INSL6: variants seen among roughly 807,000 people sequenced by gnomAD.
The protein encoded by INSL6 is insulin-like peptide INSL6.
A neutral mutation model predicts 9.4 loss-of-function variants in INSL6; 16 were observed. That is an observed-to-expected ratio of 1.70 (90% CI 1.15 to 2.59). The LOEUF is 2.59. INSL6 is among the 30% of genes most tolerant of loss of function. The pLI, the probability that INSL6 is intolerant of heterozygous loss-of-function variation, is 0.00. For missense variants in INSL6, 391 were observed against 257.3 expected (o/e 1.52, Z -3.56); for synonymous variants, 154 against 96.9 (o/e 1.59, Z -3.46).
At chr9:5,106,387 A>T in the INSL6 span, among the ~76,000 whole-genome samples, 1 of 152,216 alleles carries the variant, frequency 6.6e-6, no homozygotes, top group African/African-American at 2.4e-5. Context: ...CATTAAAAAG[A>T]CAGGAAACAA....
chr9:5,058,849 A>G, the INSL6 span, among the ~76,000 whole-genome samples: 2 of 151,818 alleles, frequency 1.3e-5, no homozygotes, highest in African/African-American at 2.4e-5. Context: ...TTGAAGAAAT[A>G]TATATTCAAG....
chr9:5,035,991 C>G, the INSL6 span, among the ~76,000 whole-genome samples: 1 of 152,198 alleles, frequency 6.6e-6, no homozygotes, highest in Non-Finnish European at 1.5e-5. Context: ...CCCATCGTCT[C>G]AGCCCAAAAT....
chr9:5,171,611 GCTT>G (rs1363697674), intron 1 of INSL6, among the ~76,000 whole-genome samples: 2 of 152,150 alleles, frequency 1.3e-5, no homozygotes, highest in Non-Finnish European at 2.9e-5. Flanking sequence ...CTGCTCAAAA[GCTT>G]CTTAAGCTGA....
At chr9:4,994,637 A>G in the INSL6 span, among the ~76,000 whole-genome samples, 3 of 152,246 alleles carry the variant, frequency 2.0e-5, no homozygotes, top group African/African-American at 7.2e-5. Flanking sequence ...AGTTATAGAC[A>G]ATACGTAAAT....
At chr9:5,116,905 A>T in the INSL6 span, among the ~76,000 whole-genome samples, 1 of 152,372 alleles carries the variant, frequency 6.6e-6, no homozygotes, top group Admixed American at 6.5e-5. Flanking sequence ...AGGTACTGGG[A>T]AAACATAACA....
chr9:4,992,281 T>C, the INSL6 span, among the ~76,000 whole-genome samples: 11 of 152,250 alleles, frequency 7.2e-5, no homozygotes, highest in South Asian at 1.2e-3. Flanking sequence ...TCACCTTTCA[T>C]AGTGGTGAGT....
downstream of INSL6, among the ~76,000 whole-genome samples, chr9:5,159,077 G>A (rs532529921): frequency 5.9e-4 from 90 of 152,120 alleles, no homozygotes; most frequent in African/African-American, 2.1e-3. Context: ...TTACTTTAAA[G>A]TAATGGATTA....
the INSL6 span, among the ~76,000 whole-genome samples, chr9:5,018,356 G>C: frequency 3.3e-5 from 5 of 152,052 alleles, no homozygotes; most frequent in Non-Finnish European, 7.4e-5. Context: ...TTGAGACAGG[G>C]TTTTGCTCTT....
At chr9:5,078,906 C>G in the INSL6 span, among the ~76,000 whole-genome samples, 1 of 152,226 alleles carries the variant, frequency 6.6e-6, no homozygotes, top group East Asian at 1.9e-4. Context: ...GTTTGTTCAT[C>G]TTTACTACTT....
chr9:5,011,590 C>T, the INSL6 span, among the ~76,000 whole-genome samples: 1 of 152,156 alleles, frequency 6.6e-6, no homozygotes, highest in Non-Finnish European at 1.5e-5. Context: ...TCATAGTAAA[C>T]AAAGTCTTTA....
At chr9:5,143,858 C>G (rs1252389630) in intron 2 of INSL6, among the ~76,000 whole-genome samples, 1 of 151,796 alleles carries the variant, frequency 6.6e-6, no homozygotes, top group Admixed American at 6.6e-5. Context: ...CAGGGTTTCA[C>G]CATGTTGGCC....
chr9:5,149,490 T>G (rs1564041830), intron 2 of INSL6, among the ~76,000 whole-genome samples: 1 of 152,136 alleles, frequency 6.6e-6, no homozygotes, highest in African/African-American at 2.4e-5. Context: ...GCAATCCTAT[T>G]TGCAATAGCT....
At chr9:5,005,633 A>G in the INSL6 span, among the ~76,000 whole-genome samples, 1 of 151,894 alleles carries the variant, frequency 6.6e-6, no homozygotes, top group African/African-American at 2.4e-5. Context: ...TTTCCTTTTC[A>G]TGTCCTTACA....
At chr9:5,063,896 G>T in the INSL6 span, among the ~76,000 whole-genome samples, 2 of 152,210 alleles carry the variant, frequency 1.3e-5, no homozygotes, top group Non-Finnish European at 2.9e-5. Context: ...GGTGACTCAC[G>T]CGTGTAATCC....
the INSL6 span, among the ~76,000 whole-genome samples, chr9:5,003,232 A>T: frequency 6.6e-6 from 1 of 151,986 alleles, no homozygotes; most frequent in South Asian, 2.1e-4. Context: ...CTTTAGGATC[A>T]ACTTGTAAAT....
At chr9:5,055,878 G>C in the INSL6 span, 2 of 1,206,868 alleles carry the variant, frequency 1.7e-6, no homozygotes, top group Non-Finnish European at 1.2e-6. Context: ...TTATTTTCTG[G>C]TAGGAATTTT....
chr9:5,110,910 G>A, the INSL6 span: 7 of 561,120 alleles, frequency 1.2e-5, no homozygotes, highest in Non-Finnish European at 1.7e-5. Flanking sequence ...CTGGCCCCAA[G>A]AGAATGAACC....
At chr9:5,085,749 C>A in the INSL6 span, 1 of 754,566 alleles carries the variant, frequency 1.3e-6, no homozygotes, top group Non-Finnish European at 2.5e-6. Context: ...GGCGCGCTGG[C>A]TAGCTTGCAC....
At chr9:5,122,590 C>A (rs941553374), downstream of INSL6, among the ~76,000 whole-genome samples, 1 of 151,912 alleles carries the variant, frequency 6.6e-6, no homozygotes, top group Non-Finnish European at 1.5e-5. Context: ...CAAGACCATC[C>A]CCAGGTTGAC....
Sources: allele counts gnomAD v4.1 joint callset (sites outside exome capture counted in the v4.1 genomes callset), GRCh38; gene constraint gnomAD v4.1.1; transcripts MANE v1.5; gene names NCBI Gene and HGNC (gene_info 2026-07-23, HGNC 2026-07-21).